TBC1D1: variants seen among roughly 807,000 people sequenced by gnomAD.
TBC1D1 encodes the protein TBC1 domain family member 1, also known as TBC1 (tre-2/USP6, BUB2, cdc16) domain family, member 1.
In TBC1D1, 89 loss-of-function variants were observed where a neutral mutation model predicts 125.6. The ratio of observed to expected loss-of-function variants is 0.71; its 90% CI spans 0.60 to 0.85. The LOEUF is 0.85. Among genes scored for constraint, TBC1D1 ranks in the 40% least tolerant of loss-of-function variants. TBC1D1 has a pLI of 0.00. For synonymous variants in TBC1D1, 565 were observed against 564.1 expected (o/e 1.00, Z -0.02); for missense variants, 1,377 against 1,469.2 (o/e 0.94, Z 1.03).
chr4:38,075,946 C>T (rs1578569127), intron 12 of TBC1D1, among the ~76,000 whole-genome samples: 1 of 152,224 alleles, frequency 6.6e-6, no homozygotes, highest in East Asian at 1.9e-4. Context: ...AAATGTCTAA[C>T]CAGCTCTTCT....
chr4:37,996,003 G>A, intron 2 of TBC1D1: 1 of 526,746 alleles, frequency 1.9e-6, no homozygotes, highest in Non-Finnish European at 3.8e-6. Flanking sequence ...TGGGGGTTCT[G>A]GGATGGGGAT....
At chr4:37,968,283 G>A (rs1325755191) in intron 2 of TBC1D1, among the ~76,000 whole-genome samples, 1 of 152,160 alleles carries the variant, frequency 6.6e-6, no homozygotes, top group African/African-American at 2.4e-5. Flanking sequence ...CTATCTTCTT[G>A]TCTCCTCTGG....
At chr4:38,002,382 C>T (rs976050547) in intron 2 of TBC1D1, among the ~76,000 whole-genome samples, 1 of 152,140 alleles carries the variant, frequency 6.6e-6, no homozygotes, top group African/African-American at 2.4e-5. Context: ...AATTACTCCC[C>T]GTGTTTCTGG....
At chr4:38,045,473 C>T (rs926626971) in intron 9 of TBC1D1, among the ~76,000 whole-genome samples, 2 of 152,144 alleles carry the variant, frequency 1.3e-5, no homozygotes, top group African/African-American at 4.8e-5. Flanking sequence ...GAGTGACATG[C>T]GGCTGGCCGT....
At chr4:38,092,399 G>A (rs542798660) in intron 13 of TBC1D1, among the ~76,000 whole-genome samples, 9 of 152,194 alleles carry the variant, frequency 5.9e-5, no homozygotes, top group African/African-American at 1.7e-4. Context: ...TGATGTAAAC[G>A]TGAGATATGC....
At chr4:38,112,174 A>G (rs1762301757) in intron 15 of TBC1D1, 3 of 687,786 alleles carry the variant, frequency 4.4e-6, no homozygotes, top group Admixed American at 6.3e-5. Flanking sequence ...GGTGATTATT[A>G]TTATTTGGAA....
At chr4:38,128,386 A>G (rs1765013191) in intron 18 of TBC1D1, among the ~76,000 whole-genome samples, 1 of 152,194 alleles carries the variant, frequency 6.6e-6, no homozygotes, top group Non-Finnish European at 1.5e-5. Flanking sequence ...GAAAGCAGAC[A>G]TGGGGTCCAG....
intron 1 of TBC1D1, among the ~76,000 whole-genome samples, chr4:37,893,015 C>T (rs560307006): frequency 6.6e-6 from 1 of 152,232 alleles, no homozygotes; most frequent in South Asian, 2.1e-4. Context: ...CTAGGATCTT[C>T]TAGGATGTAA....
rs563069917 is a variant in TBC1D1, at chr4:38,029,705, T to C, written c.1302+1826T>C. 5.3e-5 allele frequency among the ~76,000 whole-genome samples: 8 copies of C among 152,350 alleles called. No individual in the cohort carries two copies. The East Asian group carries it at 9.6e-4, about 18-fold the overall frequency. Reference sequence around the variant, plus strand: ...TAATCACGTTAGAGGTCTTGTCTTATTCCCTTGTTCTCCTTCTACAGTAGA... The same window carrying C: ...TAATCACGTTAGAGGTCTTGTCTTACTCCCTTGTTCTCCTTCTACAGTAGA... On this transcript the variant is annotated intron_variant, in intron 7 of 19. Transcript: ENST00000261439.
chr4:37,982,301 G>T (rs1320666314), intron 2 of TBC1D1, among the ~76,000 whole-genome samples: 1 of 152,208 alleles, frequency 6.6e-6, no homozygotes, highest in Non-Finnish European at 1.5e-5. Context: ...CTTGAAGTCA[G>T]TCCAGTGTTG....
chr4:38,135,156 A>G (rs1027354484), intron 19 of TBC1D1, among the ~76,000 whole-genome samples: 1 of 152,204 alleles, frequency 6.6e-6, no homozygotes, highest in Non-Finnish European at 1.5e-5. Context: ...GAATTTTCAT[A>G]TAGCTTTTCT....
chr4:38,136,734 A>T (rs1315163929), intron 19 of TBC1D1, among the ~76,000 whole-genome samples: 2 of 152,170 alleles, frequency 1.3e-5, no homozygotes, highest in Non-Finnish European at 2.9e-5. Context: ...CAAGTCTCCG[A>T]GGCTTGGCAC....
At chr4:38,117,956 A>G in intron 16 of TBC1D1, 77 bp from the exon 19 acceptor site, 3 of 1,348,086 alleles carry the variant, frequency 2.2e-6, no homozygotes, top group Non-Finnish European at 3.1e-6. Flanking sequence ...TCTTACACCC[A>G]CCCTGTGAGC....
rs1202060622 is a variant in TBC1D1, at chr4:37,902,175, G to C, written c.80G>C (p.Gly27Ala). 3 of 1,613,940 alleles carry C rather than the reference G, an allele frequency of 1.9e-6. No individual in the cohort carries two copies. The highest frequency in any genetic ancestry group is 2.5e-6 in the Non-Finnish European group (3 of 1,180,004). Residue 27 changes from glycine (G) to alanine (A), a missense_variant, in exon 2 of 20, where the codon GGC becomes GCC. Coordinates refer to ENST00000261439, the MANE Select transcript of TBC1D1 (RefSeq NM_015173.4). ...GTGGATTTTGGCCTGCAGCTGGTGG[G>C]CTCCCTGCCTGTGCATTCCCTGACC...
chr4:38,037,756 C>A (rs1170256473), intron 8 of TBC1D1, among the ~76,000 whole-genome samples: 2 of 152,176 alleles, frequency 1.3e-5, no homozygotes, highest in Non-Finnish European at 2.9e-5. Flanking sequence ...CTGTGCGTGT[C>A]AGGGTCGGCA....
intron 2 of TBC1D1, among the ~76,000 whole-genome samples, chr4:37,949,385 T>C (rs984039842): frequency 6.6e-5 from 10 of 152,220 alleles, no homozygotes; most frequent in African/African-American, 2.4e-4. Context: ...TTTTCCAGTA[T>C]AATTCTTACA....
At position 37,956,440 on chromosome 4, in the gene TBC1D1, G is replaced by A. The variant is rs137901907; in HGVS notation, c.417+53928G>A. Among the ~76,000 whole-genome samples, 1,410 of 152,302 alleles carry A rather than the reference G, an allele frequency of 9.3e-3. 20 individuals carry two copies. Among genetic ancestry groups the A allele is most frequent in the African/African-American group, 0.032 (1,313 of 41,546 alleles). The stretch of plus-strand genomic sequence containing the variant: ...TTTGGTTTGTTTTGCTCACAGATGT[G>A]TTGCCACAGACTAGACAGTACCTGG... On this transcript the variant is annotated intron_variant, in intron 2 of 19. Coordinates refer to ENST00000261439, the MANE Select transcript of TBC1D1 (RefSeq NM_015173.4).
intron 15 of TBC1D1, among the ~76,000 whole-genome samples, chr4:38,109,821 G>C (rs1761938525): frequency 6.6e-6 from 1 of 152,158 alleles, no homozygotes; most frequent in Non-Finnish European, 1.5e-5. Flanking sequence ...GGTTACAAAG[G>C]GTGTTTGTAT....
At chr4:38,028,318 A>G (rs1745464979) in intron 7 of TBC1D1, among the ~76,000 whole-genome samples, 1 of 152,144 alleles carries the variant, frequency 6.6e-6, no homozygotes. Flanking sequence ...GGAGCACGCC[A>G]CCACGCCTGG....
Sources: allele counts gnomAD v4.1 joint callset (sites outside exome capture counted in the v4.1 genomes callset), GRCh38; gene constraint gnomAD v4.1.1; transcripts MANE v1.5; gene names NCBI Gene and HGNC (gene_info 2026-07-23, HGNC 2026-07-21).